Variants in GPD2 observed in about 807,000 individuals in gnomAD.
GPD2 encodes glycerol-3-phosphate dehydrogenase, mitochondrial.
A neutral mutation model predicts 82.4 loss-of-function variants in GPD2; 54 were observed. The ratio of observed to expected loss-of-function variants is 0.66; its 90% CI spans 0.53 to 0.82. The LOEUF (loss-of-function observed/expected upper bound fraction) is 0.82. Ranked by LOEUF, GPD2 falls within the 40% of genes least tolerant of loss-of-function variation. The pLI is 0.00. For missense variants in GPD2, 748 were observed against 896.2 expected, an observed-to-expected ratio of 0.83 and a Z score of 2.11; for synonymous variants, 288 against 306.1, an observed-to-expected ratio of 0.94 and a Z score of 0.62.
At chr2:156,492,345 G>A (rs1341475834) in intron 2 of GPD2, among the ~76,000 whole-genome samples, 2 of 150,664 alleles carry the variant, frequency 1.3e-5, no homozygotes, top group African/African-American at 2.4e-5. Flanking sequence ...GTAGAGATGG[G>A]TTTTGACACA....
At chr2:156,582,418 T>G (rs897562792) in intron 16 of GPD2, among the ~76,000 whole-genome samples, 1 of 151,824 alleles carries the variant, frequency 6.6e-6, no homozygotes, top group Middle Eastern at 3.2e-3. Flanking sequence ...GGTTTGTCTT[T>G]GTTCAATCCC....
At position 156,436,396 on chromosome 2, in the gene GPD2, G is replaced by C. The variant is rs1347139755; in HGVS notation, c.-126G>C. 1.3e-5 allele frequency: 2 copies of C among 152,296 alleles called. No homozygotes were observed. The highest frequency in any genetic ancestry group is 1.5e-5 in the Non-Finnish European group (1 of 68,130). 9.4% of individuals were successfully genotyped at this position (152,296 alleles called of 1,614,324 possible). On this transcript the variant is annotated 5_prime_UTR_variant, in exon 1 of 17. Coordinates refer to ENST00000438166, the MANE Select transcript of GPD2 (RefSeq NM_000408.5). ...CCCGCCTCGAGTGACAGCCCCGCGC[G>C]CCTCGCTGGGAGCACCCGGGCCGAG...
At chr2:156,475,341 T>C (rs977023997) in intron 1 of GPD2, among the ~76,000 whole-genome samples, 10 of 152,172 alleles carry the variant, frequency 6.6e-5, no homozygotes, top group African/African-American at 2.2e-4. Context: ...TATACTCTTT[T>C]TTTTTGAGAC....
At chr2:156,513,238 GT>G in intron 5 of GPD2, 94 bp from the exon 6 acceptor site, 1 of 953,298 alleles carries the variant, frequency 1.0e-6, no homozygotes, top group African/African-American at 1.6e-5. Flanking sequence ...GGTATGCTTT[GT>G]TTTTCTTAAA....
chr2:156,531,410 C>T (rs1685854093), intron 6 of GPD2, among the ~76,000 whole-genome samples: 1 of 152,218 alleles, frequency 6.6e-6, no homozygotes, highest in Non-Finnish European at 1.5e-5. Context: ...CTTTGTGACA[C>T]TTCTCTCCAG....
chr2:156,512,539 G>A (rs568190174), intron 5 of GPD2, among the ~76,000 whole-genome samples: 14 of 152,112 alleles, frequency 9.2e-5, no homozygotes, highest in South Asian at 2.1e-4. Context: ...AAAGGAGGTC[G>A]TATTCTGTAT....
intron 6 of GPD2, among the ~76,000 whole-genome samples, chr2:156,536,079 G>T (rs1209530280): frequency 6.6e-6 from 1 of 152,140 alleles, no homozygotes; most frequent in Admixed American, 6.5e-5. Flanking sequence ...TGTGCTTCTG[G>T]CATGTGCTTT....
At chr2:156,445,925 T>A (rs1021143767) in intron 1 of GPD2, among the ~76,000 whole-genome samples, 13 of 152,140 alleles carry the variant, frequency 8.5e-5, no homozygotes, top group Non-Finnish European at 1.8e-4. Context: ...AAGCACAAGT[T>A]TAATTTTTGC....
At chr2:156,428,362 G>A in the GPD2 span, among the ~76,000 whole-genome samples, 1 of 152,194 alleles carries the variant, frequency 6.6e-6, no homozygotes, top group African/African-American at 2.4e-5. Flanking sequence ...ACCCACTTTA[G>A]GAAGGCCACC....
chr2:156,570,544 C>T (rs1687577041), intron 12 of GPD2, among the ~76,000 whole-genome samples: 1 of 152,164 alleles, frequency 6.6e-6, no homozygotes, highest in Non-Finnish European at 1.5e-5. Flanking sequence ...GTCCTACCTA[C>T]ATATCTTGTG....
intron 1 of GPD2, among the ~76,000 whole-genome samples, chr2:156,452,714 T>C (rs899136874): frequency 6.6e-6 from 1 of 152,162 alleles, no homozygotes; most frequent in Non-Finnish European, 1.5e-5. Flanking sequence ...ACAAAATGAT[T>C]AAGTAGAGAA....
chr2:156,505,855 A>C (rs1684769048), intron 3 of GPD2, among the ~76,000 whole-genome samples: 3 of 152,204 alleles, frequency 2.0e-5, no homozygotes, highest in African/African-American at 7.2e-5. Context: ...TTTATACTTA[A>C]CATACCAGAA....
intron 1 of GPD2, among the ~76,000 whole-genome samples, chr2:156,439,540 C>CAAAAAAAAAAAAAAAA (rs869250333): frequency 1.4e-5 from 1 of 71,284 alleles, no homozygotes; most frequent in African/African-American, 5.1e-5. Flanking sequence ...AAAAAAAAAA[C>CAAAAAAAAAAAAAAAA]AAAAAAAAAA....
intron 1 of GPD2, among the ~76,000 whole-genome samples, chr2:156,440,273 A>G (rs16840353): frequency 0.029 from 4,475 of 152,332 alleles, 217 homozygotes; most frequent in African/African-American, 0.1. Context: ...CAAGTGAGAA[A>G]GACAAGGGCC....
intron 15 of GPD2, 35 bp from the exon 16 acceptor site, chr2:156,579,655 C>A: frequency 1.9e-6 from 2 of 1,032,912 alleles, no homozygotes; most frequent in South Asian, 1.3e-5. Flanking sequence ...AATTTTTAAT[C>A]AAACTGTATT....
chr2:156,509,784 T>TTTTTTTTTA (rs1553471067), intron 3 of GPD2, among the ~76,000 whole-genome samples: 110 of 146,868 alleles, frequency 7.5e-4, no homozygotes, highest in African/African-American at 2.8e-3. Context: ...TTTTTTTTTT[T>TTTTTTTTTA]ATTTCCTGAG....
intron 9 of GPD2, among the ~76,000 whole-genome samples, chr2:156,559,425 A>G (rs542324637): frequency 6.6e-6 from 1 of 152,210 alleles, no homozygotes; most frequent in East Asian, 1.9e-4. Context: ...TCATATATTT[A>G]TATCAGAAAT....
chr2:156,476,564 A>C (rs1036155830), intron 2 of GPD2, among the ~76,000 whole-genome samples: 4 of 152,218 alleles, frequency 2.6e-5, no homozygotes, highest in Non-Finnish European at 5.9e-5. Flanking sequence ...AGTTTGTCTT[A>C]TTAGAAGGCA....
At chr2:156,412,291 T>G in the GPD2 span, among the ~76,000 whole-genome samples, 1 of 151,946 alleles carries the variant, frequency 6.6e-6, no homozygotes, top group Non-Finnish European at 1.5e-5. Flanking sequence ...CAAAAAAAAT[T>G]AGCCTGGCAT....
Sources: gnomAD v4.1 joint callset for allele counts (sites outside exome capture counted in the v4.1 genomes callset) on GRCh38, gnomAD v4.1.1 for gene constraint, MANE v1.5 for transcripts, NCBI Gene and HGNC (gene_info 2026-07-23, HGNC 2026-07-21) for gene names.